CHN1: variants seen among roughly 807,000 people sequenced by gnomAD.
CHN1 encodes N-chimaerin.
A neutral mutation model predicts 59.5 loss-of-function variants in CHN1; 37 were observed. That is an observed-to-expected ratio of 0.62 (90% confidence interval 0.48 to 0.82). The LOEUF is 0.82. Among genes scored for constraint, CHN1 ranks in the 40% least tolerant of loss-of-function variants. CHN1 has a pLI of 0.00. For synonymous variants in CHN1, 206 were observed against 200.4 expected (o/e 1.03, Z -0.24); for missense variants, 469 against 571.0 (o/e 0.82, Z 1.82).
intron 9 of CHN1, 130 bp downstream of exon 9, chr2:174,812,179 T>TGACATATGAAACCATTC (rs1685097920): frequency 8.0e-6 from 5 of 628,050 alleles, no homozygotes; most frequent in South Asian, 1.0e-4. Context: ...TGAGATCATT[T>TGACATATGAAACCATTC]GACATATGAA....
At chr2:174,847,800 A>AAAAAAAAAAC in intron 6 of CHN1, 1 of 512,336 alleles carries the variant, frequency 2.0e-6, no homozygotes, top group African/African-American at 2.1e-5. Context: ...AAAAAAAAAA[A>AAAAAAAAAAC]ATCAGTGGGA....
chr2:174,892,927 C>T (rs1403374808), intron 5 of CHN1, among the ~76,000 whole-genome samples: 6 of 151,932 alleles, frequency 3.9e-5, no homozygotes, highest in Non-Finnish European at 8.8e-5. Context: ...ATTTAAAAAA[C>T]AAAAAACACC....
chr2:174,973,253 C>T (rs1411331952), intron 1 of CHN1, among the ~76,000 whole-genome samples: 1 of 152,208 alleles, frequency 6.6e-6, no homozygotes, highest in Admixed American at 6.5e-5. Context: ...ATATGCAGAA[C>T]TATCATGACA....
intron 1 of CHN1, among the ~76,000 whole-genome samples, chr2:174,957,514 T>C (rs1348692121): frequency 6.6e-6 from 1 of 152,074 alleles, no homozygotes; most frequent in Admixed American, 6.6e-5. Context: ...CTCAATTGTA[T>C]TTTTAATACT....
intron 5 of CHN1, among the ~76,000 whole-genome samples, chr2:174,909,670 C>T (rs1558977448): frequency 1.3e-5 from 2 of 152,204 alleles, no homozygotes; most frequent in African/African-American, 4.8e-5. Flanking sequence ...ATCACAAGTC[C>T]TTCATAACAT....
At chr2:174,970,491 A>T (rs753314284) in intron 1 of CHN1, among the ~76,000 whole-genome samples, 5 of 152,228 alleles carry the variant, frequency 3.3e-5, no homozygotes, top group African/African-American at 7.2e-5. Context: ...ATCCACCACC[A>T]TGAGCTTGAC....
At position 174,982,123 on chromosome 2, in the gene CHN1, G is replaced by A. The variant is rs150877758; in HGVS notation, c.19+22771C>T. On this transcript the variant is annotated intron_variant, in intron 1 of 12. Transcript: ENST00000409900. Reference sequence around the variant, plus strand: ...TCACCCATGTCCCTACAAAGGACATGAACTCATCATTTTTTATGACTGCAT... The same window carrying A: ...TCACCCATGTCCCTACAAAGGACATAAACTCATCATTTTTTATGACTGCAT... Among the ~76,000 whole-genome samples the A allele has an allele frequency of 9.6e-3, 1,466 of 152,244 alleles. 8 individuals carry two copies. Among genetic ancestry groups the A allele is most frequent in the Middle Eastern group, 0.02 (6 of 294 alleles).
chr2:174,955,184 C>CTATA (rs368644554), intron 1 of CHN1, among the ~76,000 whole-genome samples: 18,818 of 82,504 alleles, frequency 0.23, 1,630 homozygotes, highest in East Asian at 0.45. Context: ...ATATCTATAT[C>CTATA]TATATATATA....
chr2:174,847,244 G>C (rs527801658), intron 6 of CHN1: 1 of 1,409,714 alleles, frequency 7.1e-7, no homozygotes, highest in African/African-American at 1.4e-5. Context: ...CCTACAGAGA[G>C]CTGCAGAGAA....
intron 1 of CHN1, among the ~76,000 whole-genome samples, chr2:174,979,639 C>G (rs926100614): frequency 4.6e-5 from 7 of 152,064 alleles, no homozygotes; most frequent in Non-Finnish European, 1.0e-4. Context: ...ACGGTGAAAC[C>G]CCATCTCTAC....
intron 5 of CHN1, among the ~76,000 whole-genome samples, chr2:174,910,037 G>A (rs1029677760): frequency 6.6e-6 from 1 of 152,178 alleles, no homozygotes; most frequent in Non-Finnish European, 1.5e-5. Flanking sequence ...TTCTAACAGT[G>A]AGAATGGGTA....
At chr2:174,889,035 GCTTGCTGCT>G (rs1668626693) in intron 5 of CHN1, among the ~76,000 whole-genome samples, 1 of 152,204 alleles carries the variant, frequency 6.6e-6, no homozygotes, top group Admixed American at 6.5e-5. Flanking sequence ...GAGTGGGACA[GCTTGCTGCT>G]GTAGACCAAG....
intron 1 of CHN1, among the ~76,000 whole-genome samples, chr2:174,962,051 C>T (rs113773119): frequency 1.4e-3 from 206 of 152,166 alleles, no homozygotes; most frequent in African/African-American, 4.6e-3. Context: ...CTTTGTTAGG[C>T]CGAGGCAGAC....
At chr2:174,933,290 TAGAGA>T (rs774184926) in intron 3 of CHN1, among the ~76,000 whole-genome samples, 44 of 151,944 alleles carry the variant, frequency 2.9e-4, no homozygotes, top group African/African-American at 9.9e-4. Flanking sequence ...TAAATATAGG[TAGAGA>T]AGAGAAGAGG....
At position 174,937,957 on chromosome 2, in the gene CHN1, A is replaced by G. The variant is rs1689544991; in HGVS notation, c.114+6931T>C. On this transcript the variant is annotated intron_variant, in intron 3 of 12. Coordinates refer to ENST00000409900, the MANE Select transcript of CHN1 (RefSeq NM_001822.7). ...AAAAATAAACCTCTTTTTAAAATAC[A>G]TTGCCCAGCCTCAGGTATTCCTTTA... Among the ~76,000 whole-genome samples the G allele has an allele frequency of 2.0e-5, 3 of 152,184 alleles. No individual in the cohort carries two copies. The South Asian group carries it at 6.2e-4, about 32-fold the overall frequency.
At chr2:174,901,976 G>GA (rs1245578016) in intron 5 of CHN1, among the ~76,000 whole-genome samples, 3 of 152,014 alleles carry the variant, frequency 2.0e-5, no homozygotes, top group South Asian at 2.1e-4. Context: ...ACAGCTAACT[G>GA]AAAAAAAGCA....
rs112616923 is a variant in CHN1 at position 174,876,563 on chromosome 2, G to A, written c.549+1277C>T. Among the ~76,000 whole-genome samples, 408 of 152,152 alleles carry A rather than the reference G, an allele frequency of 2.7e-3. 13 individuals are homozygous for A. The South Asian group carries it at 0.051, about 19-fold the overall frequency. On this transcript the variant is annotated intron_variant, in intron 6 of 12. Transcript: ENST00000409900. ...CAAGATTTGTGGTTCCTAACAATAT[G>A]AATATATAAAAAAACAATTTTTATA...
At chr2:174,893,302 T>C (rs1202190260) in intron 5 of CHN1, among the ~76,000 whole-genome samples, 2 of 152,032 alleles carry the variant, frequency 1.3e-5, no homozygotes, top group East Asian at 3.9e-4. Context: ...CATGGAAAAA[T>C]CAGCTATATT....
At chr2:174,951,743 CTTT>C (rs1244214536) in intron 2 of CHN1, among the ~76,000 whole-genome samples, 1 of 152,124 alleles carries the variant, frequency 6.6e-6, no homozygotes, top group Non-Finnish European at 1.5e-5. Context: ...GTTAGATCAC[CTTT>C]TTTTGCCTCT....
Sources: allele counts gnomAD v4.1 joint callset (sites outside exome capture counted in the v4.1 genomes callset), GRCh38; gene constraint gnomAD v4.1.1; transcripts MANE v1.5; gene names NCBI Gene and HGNC (gene_info 2026-07-23, HGNC 2026-07-21).